KCNH1: variants seen among roughly 807,000 people sequenced by gnomAD.
The protein encoded by KCNH1 is voltage-gated delayed rectifier potassium channel KCNH1.
A neutral mutation model predicts 69.2 loss-of-function variants in KCNH1; 27 were observed. The observed-to-expected ratio is 0.39, with a 90% CI of 0.29 to 0.54. The LOEUF (loss-of-function observed/expected upper bound fraction) is 0.54. Ranked by LOEUF, KCNH1 falls within the 20% of genes least tolerant of loss-of-function variation. The probability of loss-of-function intolerance (pLI) is 0.68; values close to 1 mark genes in which losing one functional copy is unlikely to be tolerated. For synonymous variants in KCNH1, 456 were observed against 487.7 expected (o/e 0.93, Z 0.86); for missense variants, 798 against 1,261.6 (o/e 0.63, Z 5.57).
At chr1:210,717,537 T>C (rs1682290350) in intron 10 of KCNH1, among the ~76,000 whole-genome samples, 1 of 152,176 alleles carries the variant, frequency 6.6e-6, no homozygotes, top group Admixed American at 6.5e-5. Context: ...TGGCTCCAGG[T>C]TCATAGATCC....
Position 211,060,400 on chromosome 1 carries a change from C to CAAAAAAAAAAAAAAAAAAAAAAAAAAA in KCNH1, c.558+22379_558+22380insTTTTTTTTTTTTTTTTTTTTTTTTTTT, listed in dbSNP as rs60620622. ...TGGGCGACAGAGCGAGACTCCGTCT[C>CAAAAAAAAAAAAAAAAAAAAAAAAAAA]AAAAAAAAAAAAAAAAAAAAAAAAA... On this transcript the variant is annotated intron_variant, in intron 5 of 10. Coordinates refer to ENST00000271751, the MANE Select transcript of KCNH1 (RefSeq NM_172362.3). Among the ~76,000 whole-genome samples, 3 of 44,328 alleles carry CAAAAAAAAAAAAAAAAAAAAAAAAAAA rather than the reference C, an allele frequency of 6.8e-5. 1 individual carries two copies. Among genetic ancestry groups the CAAAAAAAAAAAAAAAAAAAAAAAAAAA allele is most frequent in the Non-Finnish European group, 1.1e-4 (3 of 28,342 alleles). 29.1% of individuals were successfully genotyped at this position (44,328 alleles called of 152,430 possible). A position where few individuals can be genotyped will look rare whatever the true frequency, so the allele number is the denominator to read the frequency against.
intron 6 of KCNH1, among the ~76,000 whole-genome samples, chr1:210,932,201 G>A (rs927177274): frequency 6.6e-6 from 1 of 152,104 alleles, no homozygotes; most frequent in African/African-American, 2.4e-5. Flanking sequence ...AGAAGTCAAA[G>A]ATAGAATTCT....
chr1:210,748,319 C>T (rs572899272), intron 10 of KCNH1, among the ~76,000 whole-genome samples: 1 of 152,212 alleles, frequency 6.6e-6, no homozygotes, highest in Non-Finnish European at 1.5e-5. Context: ...ATCTCACACT[C>T]AATCTGCCTC....
At chr1:210,830,793 C>T (rs561609470) in intron 7 of KCNH1, among the ~76,000 whole-genome samples, 5 of 152,088 alleles carry the variant, frequency 3.3e-5, no homozygotes, top group African/African-American at 9.7e-5. Context: ...ACAATCCTAA[C>T]GCATTTAATT....
chr1:211,101,805 T>C (rs1255402594), intron 3 of KCNH1, among the ~76,000 whole-genome samples: 1 of 152,200 alleles, frequency 6.6e-6, no homozygotes, highest in Admixed American at 6.5e-5. Flanking sequence ...AGATTAGAGA[T>C]TCACATTTTA....
intron 6 of KCNH1, among the ~76,000 whole-genome samples, chr1:210,996,806 CA>C (rs1157510388): frequency 1.3e-5 from 2 of 152,192 alleles, no homozygotes; most frequent in Admixed American, 1.3e-4. Context: ...AACGATCAGG[CA>C]GCAGCATTTG....
chr1:210,867,702 G>C (rs1246362273), intron 7 of KCNH1, among the ~76,000 whole-genome samples: 1 of 151,898 alleles, frequency 6.6e-6, no homozygotes, highest in Non-Finnish European at 1.5e-5. Context: ...GGCAACAATT[G>C]ATCTACTTTA....
chr1:210,830,035 G>C (rs1035277488), intron 7 of KCNH1, among the ~76,000 whole-genome samples: 3 of 152,038 alleles, frequency 2.0e-5, no homozygotes, highest in African/African-American at 7.2e-5. Context: ...ATGTAAATCT[G>C]GTGCTTAGAC....
chr1:211,096,047 C>CTTTATTTATTTA (rs536254644), intron 3 of KCNH1, among the ~76,000 whole-genome samples: 2,692 of 125,126 alleles, frequency 0.022, 104 homozygotes, highest in South Asian at 0.1. Context: ...AAAAGTATCA[C>CTTTATTTATTTA]TTTATTTATT....
intron 7 of KCNH1, among the ~76,000 whole-genome samples, chr1:210,906,714 C>T (rs1003714990): frequency 3.3e-5 from 5 of 152,158 alleles, no homozygotes; most frequent in African/African-American, 9.7e-5. Flanking sequence ...CACATTCACT[C>T]GGATTCTCTC....
intron 7 of KCNH1, among the ~76,000 whole-genome samples, chr1:210,806,184 A>G (rs1354680926): frequency 2.0e-5 from 3 of 152,230 alleles, no homozygotes; most frequent in African/African-American, 7.2e-5. Flanking sequence ...TCCTGCCAGC[A>G]GTCTATAAGA....
At chr1:210,802,818 G>C (rs981344421) in intron 8 of KCNH1, among the ~76,000 whole-genome samples, 1 of 152,142 alleles carries the variant, frequency 6.6e-6, no homozygotes, top group Admixed American at 6.5e-5. Context: ...GGACTTGTCT[G>C]ATGAATAGGG....
chr1:210,814,258 A>G (rs1684769491), intron 7 of KCNH1, among the ~76,000 whole-genome samples: 1 of 151,834 alleles, frequency 6.6e-6, no homozygotes, highest in South Asian at 2.1e-4. Flanking sequence ...ATAATCATTT[A>G]CTCTCTTTAA....
rs75553327 is a variant in KCNH1, at chr1:210,737,335, T to C, written c.2112+38013A>G. Reference sequence around the variant, plus strand: ...GGTAGATTTCTGTGGTCTGGGTGTATATTTGACCCTTTCTCTTCCAGTACA... The same window carrying C: ...GGTAGATTTCTGTGGTCTGGGTGTACATTTGACCCTTTCTCTTCCAGTACA... On this transcript the variant is annotated intron_variant, in intron 10 of 10. Coordinates refer to ENST00000271751, the MANE Select transcript of KCNH1 (RefSeq NM_172362.3). Among the ~76,000 whole-genome samples, 34 of 152,342 alleles carry C rather than the reference T, an allele frequency of 2.2e-4. No homozygotes were observed. In the East Asian group the frequency reaches 4.2e-3, roughly 19 times the overall value.
chr1:211,032,596 G>A (rs1474761912), intron 5 of KCNH1, among the ~76,000 whole-genome samples: 3 of 152,126 alleles, frequency 2.0e-5, no homozygotes, highest in African/African-American at 7.2e-5. Context: ...AGAGCCCTCA[G>A]AAATAATGCC....
At chr1:210,858,988 T>G in intron 7 of KCNH1, 18 of 306,542 alleles carry the variant, frequency 5.9e-5, no homozygotes, top group East Asian at 6.8e-5. Flanking sequence ...ATCCCACTGG[T>G]TTCTTTTCCA....
At chr1:210,907,614 G>A (rs1687131877) in intron 7 of KCNH1, among the ~76,000 whole-genome samples, 1 of 152,134 alleles carries the variant, frequency 6.6e-6, no homozygotes, top group South Asian at 2.1e-4. Context: ...TGCCAGGGCT[G>A]AGCACAGGTG....
chr1:211,030,973 A>T (rs1689772324), intron 5 of KCNH1, among the ~76,000 whole-genome samples: 1 of 152,172 alleles, frequency 6.6e-6, no homozygotes, highest in Admixed American at 6.5e-5. Context: ...GATAACCAAT[A>T]AGCACATGAA....
In KCNH1 at chr1:210,872,912, T is replaced by G. The variant is rs866920808; in HGVS notation, c.1462+46728A>C. Among the ~76,000 whole-genome samples the G allele has an allele frequency of 2.6e-5, 4 of 152,334 alleles. No homozygotes were observed. In the South Asian group the frequency reaches 8.3e-4, roughly 32 times the overall value. On this transcript the variant is annotated intron_variant, in intron 7 of 10. Transcript: ENST00000271751. The stretch of plus-strand genomic sequence containing the variant: ...TCATTTCTGACTCTTCTACCCAATT[T>G]ATTCTTAATTCCTTTCAATCAAGCT...
Sources: gnomAD v4.1 joint callset for allele counts (sites outside exome capture counted in the v4.1 genomes callset) on GRCh38, gnomAD v4.1.1 for gene constraint, MANE v1.5 for transcripts, NCBI Gene and HGNC (gene_info 2026-07-23, HGNC 2026-07-21) for gene names.